The following NUP50 variants were observed in gnomAD, a reference collection of about 807,000 sequenced individuals.
NUP50 encodes nuclear pore complex protein Nup50.
A neutral mutation model predicts 36.8 loss-of-function variants in NUP50; 14 were observed. The ratio of observed to expected loss-of-function variants is 0.38; its 90% CI spans 0.25 to 0.59. The LOEUF (loss-of-function observed/expected upper bound fraction) is 0.59. NUP50 is among the 20% of genes least tolerant of loss of function. The pLI is 0.63. For synonymous variants in NUP50, 195 were observed against 210.8 expected, an observed-to-expected ratio of 0.93 and a Z score of 0.65; for missense variants, 455 against 564.6, an observed-to-expected ratio of 0.81 and a Z score of 1.97.
intron 2 of NUP50, among the ~76,000 whole-genome samples, chr22:45,168,687 C>T (rs1161071686): frequency 6.6e-6 from 1 of 152,082 alleles, no homozygotes; most frequent in Non-Finnish European, 1.5e-5. Flanking sequence ...TACTCCGTTT[C>T]CCTAATGCTT....
chr22:45,178,935 C>T, intron 5 of NUP50, 35 bp downstream of exon 5: 1 of 1,559,340 alleles, frequency 6.4e-7, no homozygotes, highest in South Asian at 1.2e-5. Context: ...TCGAGGTTTG[C>T]ATAAGATTCT....
At chr22:45,183,927 G>A in intron 7 of NUP50, 1 of 214,444 alleles carries the variant, frequency 4.7e-6, no homozygotes, top group South Asian at 7.1e-5. Flanking sequence ...AGGAAGACGG[G>A]GCAGGCCTGC....
In NUP50 at chr22:45,181,283, A is replaced by T. The variant is rs546952133; in HGVS notation, c.1004-3A>T. ...TACTGAATTATTGTCATTTTTATAA[A>T]AGGTGGAGATGAAGAAGAGAATGAT... On this transcript the variant is annotated splice_region_variant and splice_polypyrimidine_tract_variant and intron_variant, in intron 5 of 7. Coordinates refer to ENST00000347635, the MANE Select transcript of NUP50 (RefSeq NM_007172.4). 6.3e-7 allele frequency: 1 copy of T among 1,581,688 alleles called. No individual in the cohort carries two copies. The highest frequency in any genetic ancestry group is 1.4e-5 in the African/African-American group (1 of 72,836).
chr22:45,164,130 C>G lies in NUP50; in HGVS notation c.-177C>G, dbSNP rs1019624936. The G allele has an allele frequency of 3.9e-5, 6 of 152,298 alleles. No homozygotes were observed. Among genetic ancestry groups the G allele is most frequent in the African/African-American group, 1.4e-4 (6 of 41,462 alleles). The allele number at this position is 152,298 out of a possible 1,614,324, so 9.4% of individuals were successfully genotyped here. A position where few individuals can be genotyped will look rare whatever the true frequency, so the allele number is the denominator to read the frequency against. The stretch of plus-strand genomic sequence containing the variant: ...CCCCCCAGGGATATGGTGTTTGAGT[C>G]TCTGGGCTTGCCGAGCACTAAGTCC... On this transcript the variant is annotated 5_prime_UTR_variant, in exon 1 of 8. Coordinates refer to ENST00000347635, the MANE Select transcript of NUP50 (RefSeq NM_007172.4).
In NUP50 at chr22:45,187,106, G is replaced by GT. The variant is rs2083456067; in HGVS notation, c.*2452dup. The GT allele has an allele frequency of 1.3e-5, 2 of 150,780 alleles. No individual in the cohort carries two copies. Among genetic ancestry groups the GT allele is most frequent in the Admixed American group, 6.6e-5 (1 of 15,126 alleles). 9.3% of individuals were successfully genotyped at this position (150,780 alleles called of 1,614,324 possible). On this transcript the variant is annotated 3_prime_UTR_variant, in exon 8 of 8. Transcript: ENST00000347635. ...TCATATACGTGGCCTAAAGCAAGGT[G>GT]TGTATTTTGTTATTCTGAAATTGTT... is the stretch of plus-strand genomic sequence containing the variant.
chr22:45,179,972 GT>G (rs1361435116), intron 5 of NUP50, among the ~76,000 whole-genome samples: 2 of 152,216 alleles, frequency 1.3e-5, no homozygotes, highest in Non-Finnish European at 2.9e-5. Flanking sequence ...AAATATTACG[GT>G]TTTCTATCAG....
intron 1 of NUP50, among the ~76,000 whole-genome samples, chr22:45,167,671 C>T (rs895578705): frequency 2.0e-5 from 3 of 152,092 alleles, no homozygotes; most frequent in Non-Finnish European, 1.5e-5. Flanking sequence ...GAACAGTATT[C>T]GTGTTGTGGA....
chr22:45,181,301 A>C lies in NUP50; in HGVS notation c.1019A>C (p.Glu340Ala). The stretch of plus-strand genomic sequence containing the variant: ...TTTATAAAAGGTGGAGATGAAGAAG[A>C]GAATGATGAGCCACCCAAAGTAGTA... ...SGECKGGDEE[E>A]NDEPPKVVVT... Residue 340 changes from glutamate to alanine, a missense_variant, in exon 6 of 8, where the codon GAG (glutamate) becomes GCG (alanine). Transcript: ENST00000347635. The C allele has an allele frequency of 6.3e-7, 1 of 1,594,230 alleles. No homozygotes were observed. Among genetic ancestry groups the C allele is most frequent in the South Asian group, 1.1e-5 (1 of 87,544 alleles).
intron 2 of NUP50, among the ~76,000 whole-genome samples, chr22:45,169,419 T>C (rs1460406297): frequency 2.0e-5 from 3 of 152,254 alleles, no homozygotes; most frequent in African/African-American, 2.4e-5. Flanking sequence ...GGGCGAAGGA[T>C]TACCCAGGTG....
At chr22:45,177,555 AACCTTGGG>A (rs1310511699) in intron 4 of NUP50, 1 of 152,316 alleles carries the variant, frequency 6.6e-6, no homozygotes, top group Non-Finnish European at 1.5e-5. Context: ...TCATCCCAAC[AACCTTGGG>A]GATTAAGTGT....
In NUP50 at chr22:45,185,528, A is replaced by T. The variant is rs919833061; in HGVS notation, c.*873A>T. 2.6e-5 allele frequency: 4 copies of T among 152,070 alleles called. No individual in the cohort carries two copies. Among genetic ancestry groups the T allele is most frequent in the Non-Finnish European group, 5.9e-5 (4 of 68,012 alleles). The allele number at this position is 152,070 out of a possible 1,614,324, so 9.4% of individuals were successfully genotyped here. A position where few individuals can be genotyped will look rare whatever the true frequency, so the allele number is the denominator to read the frequency against. ...AGGCATTTGTACCATGATCAACCCC[A>T]CGCACATGAAAACTGTGACCAAGTG... is the stretch of plus-strand genomic sequence containing the variant. On this transcript the variant is annotated 3_prime_UTR_variant, in exon 8 of 8. Transcript: ENST00000347635.
intron 1 of NUP50, chr22:45,165,092 G>T (rs1005314959): frequency 1.3e-5 from 2 of 152,226 alleles, no homozygotes; most frequent in African/African-American, 4.8e-5. Context: ...AGCTACACCA[G>T]ATGCCAGAGA....
chr22:45,172,442 G>T (rs1601773754), intron 3 of NUP50, among the ~76,000 whole-genome samples: 2 of 152,228 alleles, frequency 1.3e-5, no homozygotes, highest in African/African-American at 4.8e-5. Context: ...GAAGCTTTTT[G>T]AGCACCAACG....
At chr22:45,173,356 T>G (rs1251874012) in intron 3 of NUP50, among the ~76,000 whole-genome samples, 8 of 140,544 alleles carry the variant, frequency 5.7e-5, no homozygotes, top group Non-Finnish European at 1.1e-4. Flanking sequence ...TTTTTTTTTG[T>G]CTGGTTTGAT....
chr22:45,177,827 C>A, intron 4 of NUP50: 1 of 168,166 alleles, frequency 5.9e-6, no homozygotes, highest in Non-Finnish European at 1.3e-5. Context: ...TTTGAGCGGT[C>A]ACAAAAATAG....
chr22:45,178,019 G>A (rs1402460069), intron 4 of NUP50: 1 of 513,362 alleles, frequency 1.9e-6, no homozygotes, highest in East Asian at 3.5e-5. Context: ...CCACCTACTC[G>A]GGAGGTTGAG....
At chr22:45,183,599 T>A (rs2074417717) in intron 7 of NUP50, 79 bp downstream of exon 7, 2 of 924,870 alleles carry the variant, frequency 2.2e-6, no homozygotes, top group East Asian at 4.8e-5. Flanking sequence ...CTCAAGGTTA[T>A]TAATATGTTT....
intron 2 of NUP50, among the ~76,000 whole-genome samples, chr22:45,170,285 C>T (rs1181656328): frequency 6.6e-6 from 1 of 151,916 alleles, no homozygotes; most frequent in East Asian, 1.9e-4. Context: ...TTCTCTTTAT[C>T]TCTTTGTCTT....
intron 4 of NUP50, 109 bp from the exon 5 acceptor site, chr22:45,178,129 G>C (rs1569051943): frequency 1.0e-6 from 1 of 962,396 alleles, no homozygotes; most frequent in African/African-American, 1.7e-5. Context: ...GTCTTGGTGT[G>C]GGGGGAGATA....
Sources: allele counts gnomAD v4.1 joint callset (sites outside exome capture counted in the v4.1 genomes callset), GRCh38; gene constraint gnomAD v4.1.1; transcripts MANE v1.5; gene names NCBI Gene and HGNC (gene_info 2026-07-23, HGNC 2026-07-21).